The following CCDC57 variants were observed in gnomAD, a reference collection of about 807,000 sequenced individuals.
CCDC57 encodes coiled-coil domain-containing protein 57.
In CCDC57, 118 loss-of-function variants were observed where a neutral mutation model predicts 118.9. The observed-to-expected ratio is 0.99, with a 90% CI of 0.86 to 1.16. The LOEUF is 1.16. CCDC57 is among the 50% of genes most tolerant of loss of function. CCDC57 has a pLI of 0.00. For synonymous variants in CCDC57, 527 were observed against 532.9 expected (o/e 0.99, Z 0.15); for missense variants, 1,300 against 1,320.7 (o/e 0.98, Z 0.24).
intron 3 of CCDC57, among the ~76,000 whole-genome samples, chr17:82,199,073 C>A (rs1196883593): frequency 9.9e-5 from 15 of 150,862 alleles, no homozygotes; most frequent in Admixed American, 9.3e-4. Context: ...GATGCCAACA[C>A]CAAGATGACA....
At chr17:82,125,442 C>T (rs1453535418) in intron 19 of CCDC57, among the ~76,000 whole-genome samples, 3 of 151,488 alleles carry the variant, frequency 2.0e-5, no homozygotes, top group African/African-American at 7.3e-5. Context: ...GTGGTACAAT[C>T]TCAGCTCCCT....
Position 82,184,031 on chromosome 17 carries a change from G to GCGCGCGCACA in CCDC57, c.1053-100_1053-99insTGTGCGCGCG. The GCGCGCGCACA allele has an allele frequency of 2.1e-3, 272 of 131,850 alleles. 1 individual carries two copies. Among genetic ancestry groups the GCGCGCGCACA allele is most frequent in the Admixed American group, 3.5e-3 (39 of 11,278 alleles). The allele number at this position is 131,850 out of a possible 1,614,324, so 8.2% of individuals were successfully genotyped here. On this transcript the variant is annotated intron_variant, in intron 8 of 19. Coordinates refer to ENST00000665763, the Ensembl canonical transcript of CCDC57. ...CAAATACACATGCGCGCGCGCGCGC[G>GCGCGCGCACA]CACACACACACACACACACACACAC...
chr17:82,200,850 A>T (rs1028297776), intron 3 of CCDC57, among the ~76,000 whole-genome samples: 2 of 152,220 alleles, frequency 1.3e-5, no homozygotes, highest in African/African-American at 4.8e-5. Context: ...CATAAAACAT[A>T]AAAAAAGTAC....
In CCDC57 at chr17:82,211,869, G is replaced by A. The variant is rs543448049; in HGVS notation, c.-211+916C>T. Among the ~76,000 whole-genome samples, 11 of 152,256 alleles carry A rather than the reference G, an allele frequency of 7.2e-5. No individual in the cohort carries two copies. In the South Asian group the frequency reaches 2.3e-3, roughly 32 times the overall value. Reference sequence around the variant, plus strand: ...CTCCTGGGAACGCGCTCGGTTGATGGTACCCAAAGCCCCTGCGTTTATCAC... The same window carrying A: ...CTCCTGGGAACGCGCTCGGTTGATGATACCCAAAGCCCCTGCGTTTATCAC... On this transcript the variant is annotated intron_variant, in intron 1 of 19. Transcript: ENST00000665763.
intron 1 of CCDC57, among the ~76,000 whole-genome samples, chr17:82,209,709 A>C: frequency 6.6e-6 from 1 of 151,776 alleles, no homozygotes; most frequent in East Asian, 1.9e-4. Context: ...CTGGTTTCCA[A>C]CTCCTCACCT....
intron 3 of CCDC57, among the ~76,000 whole-genome samples, chr17:82,200,479 A>G (rs1368733503): frequency 6.6e-6 from 1 of 152,184 alleles, no homozygotes; most frequent in Non-Finnish European, 1.5e-5. Context: ...CGGCTTTAAA[A>G]AGTGCTTTAA....
intron 14 of CCDC57, among the ~76,000 whole-genome samples, chr17:82,158,166 G>T: frequency 6.6e-6 from 1 of 152,202 alleles, no homozygotes; most frequent in East Asian, 1.9e-4. Context: ...CAGTTCCCCT[G>T]TGCCCTGCTC....
At chr17:82,156,242 G>A (rs2042665403) in intron 15 of CCDC57, 1 of 151,648 alleles carries the variant, frequency 6.6e-6, no homozygotes, top group Admixed American at 6.6e-5. Flanking sequence ...AGTGAGCCAA[G>A]ATAGCGCCAG....
rs8076851 is a variant in CCDC57 at position 82,157,522 on chromosome 17, C to T, written c.2241+226G>A. 17 of 1,424,152 alleles carry T rather than the reference C, an allele frequency of 1.2e-5. No homozygotes were observed. The East Asian group carries it at 1.3e-4, about 11-fold the overall frequency. 88.2% of individuals were successfully genotyped at this position (1,424,152 alleles called of 1,614,324 possible). On this transcript the variant is annotated intron_variant, in intron 15 of 19. Coordinates refer to ENST00000665763, the Ensembl canonical transcript of CCDC57. ...CCCGTCCCGCCCCCCACCAACGGGG[C>T]ATCAAGGTGAAGGACCAGGAGAAGA...
intron 18 of CCDC57, 80 bp downstream of exon 17, chr17:82,128,413 G>A: frequency 2.1e-6 from 2 of 949,960 alleles, no homozygotes; most frequent in Non-Finnish European, 3.2e-6. Context: ...CCCTCCGAGA[G>A]GCCCAGAGCA....
intron 16 of CCDC57, among the ~76,000 whole-genome samples, chr17:82,149,907 A>C (rs2041644558): frequency 6.7e-6 from 1 of 148,410 alleles, no homozygotes; most frequent in African/African-American, 2.5e-5. Flanking sequence ...CCAGGCACAC[A>C]CCCAGAACAA....
At chr17:82,161,356 G>T (rs974479994) in intron 14 of CCDC57, among the ~76,000 whole-genome samples, 6 of 152,080 alleles carry the variant, frequency 3.9e-5, no homozygotes, top group Non-Finnish European at 4.4e-5. Context: ...CTCCTCAAAG[G>T]GTTCAACACA....
chr17:82,172,618 C>T lies in CCDC57; in HGVS notation c.1729+20G>A, dbSNP rs554404807. The T allele has an allele frequency of 3.2e-6, 5 of 1,546,548 alleles. No homozygotes were observed. Among genetic ancestry groups the T allele is most frequent in the East Asian group, 2.4e-5 (1 of 40,900 alleles). On this transcript the variant is annotated intron_variant, in intron 12 of 19. Transcript: ENST00000665763. The surrounding 1 kb of genome is among the most constrained non-coding windows in gnomAD (Gnocchi z 5.2). ...CTCCCCCTTCCTCTCCCGCTCTGTC[C>T]GTTTCTCCCACTTACTCACCAGGAG...
exon 10 of CCDC57, chr17:82,179,078 C>T: frequency 6.2e-7 from 1 of 1,614,032 alleles, no homozygotes; most frequent in Non-Finnish European, 8.5e-7. Context: ...ACTTTTGGAT[C>T]TGGTCCCTTT....
intron 9 of CCDC57, among the ~76,000 whole-genome samples, chr17:82,180,919 G>A (rs2046130436): frequency 1.3e-5 from 2 of 152,364 alleles, no homozygotes; most frequent in African/African-American, 2.4e-5. Flanking sequence ...CAGAGCGAAC[G>A]ATGAACACAC....
chr17:82,157,924 C>T (rs1313810758), exon 15 of CCDC57: 1 of 1,558,812 alleles, frequency 6.4e-7, no homozygotes, highest in Non-Finnish European at 8.7e-7. Flanking sequence ...TGGAGAGCGG[C>T]CGGCTCCAGG....
intron 4 of CCDC57, 65 bp downstream of exon 3, chr17:82,198,249 G>T: frequency 2.1e-6 from 2 of 950,954 alleles, no homozygotes; most frequent in Non-Finnish European, 1.7e-6. Context: ...AGCCCTATAT[G>T]ATTTCAGTTT....
At chr17:82,179,171 G>C (rs954729528) in exon 10 of CCDC57, 2 of 1,613,738 alleles carry the variant, frequency 1.2e-6, no homozygotes, top group Non-Finnish European at 1.7e-6. Flanking sequence ...CCACTGCCAG[G>C]GACAGCTGTT....
intron 11 of CCDC57, among the ~76,000 whole-genome samples, chr17:82,173,088 G>A (rs1393754585): frequency 6.6e-6 from 1 of 151,990 alleles, no homozygotes; most frequent in Non-Finnish European, 1.5e-5. Context: ...TCCCTAGAGT[G>A]TCCAATCCAC....
Sources: gnomAD v4.1 joint callset for allele counts (sites outside exome capture counted in the v4.1 genomes callset) on GRCh38, gnomAD v4.1.1 for gene constraint, Gnocchi (gnomAD v3.1) non-coding constraint, MANE v1.5 for transcripts, NCBI Gene and HGNC (gene_info 2026-07-23, HGNC 2026-07-21) for gene names.